Variants in F8 observed in about 807,000 individuals in gnomAD.
F8 encodes coagulation factor VIII.
In F8, 12 loss-of-function variants were observed where a neutral mutation model predicts 140.6. The ratio of observed to expected loss-of-function variants is 0.09; its 90% CI spans 0.05 to 0.14. The LOEUF is 0.14. Ranked by LOEUF, F8 falls within the 10% of genes least tolerant of loss-of-function variation. The pLI is 1.00. For synonymous variants in F8, 585 were observed against 614.6 expected (o/e 0.95, Z 0.71); for missense variants, 1,354 against 1,720.7 (o/e 0.79, Z 3.77).
chrX:154,923,516 G>A (rs1436556844), intron 14 of F8, among the ~76,000 whole-genome samples: 1 of 111,894 alleles, frequency 8.9e-6, no homozygotes, highest in Non-Finnish European at 1.9e-5. Context: ...TAGTGAATAA[G>A]TCTCATGAGA....
chrX:154,899,189 C>T (rs1290757728), intron 21 of F8, among the ~76,000 whole-genome samples: 1 of 112,149 alleles, frequency 8.9e-6, no homozygotes, highest in Non-Finnish European at 1.9e-5. Flanking sequence ...AATGCTGTGG[C>T]ATTAATAGAC....
intron 1 of F8, among the ~76,000 whole-genome samples, chrX:155,000,597 A>G (rs782361497): frequency 2.5e-4 from 28 of 112,383 alleles, no homozygotes; most frequent in African/African-American, 8.4e-4. Flanking sequence ...CTGCCCTGGA[A>G]AAAAGCTTTC....
At position 154,904,539 on chromosome X, in the gene F8, C is replaced by T. The variant is rs782021309; in HGVS notation, c.5587-15G>A. ...ACATCTTTTTCCTAGGGAGGGAAGA[C>T]ATCAATCCTATGAGTATAAGCTCTC... is the stretch of plus-strand genomic sequence containing the variant. On this transcript the variant is annotated splice_polypyrimidine_tract_variant and intron_variant, in intron 16 of 25. Coordinates refer to ENST00000360256, the MANE Select transcript of F8 (RefSeq NM_000132.4). 6 of 1,162,196 alleles carry T rather than the reference C, an allele frequency of 5.2e-6. No individual in the cohort carries two copies. The highest frequency in any genetic ancestry group is 1.8e-5 in the African/African-American group (1 of 56,104).
chrX:154,982,264 A>G (rs781829497), intron 6 of F8, among the ~76,000 whole-genome samples: 25 of 106,233 alleles, frequency 2.4e-4, no homozygotes, highest in East Asian at 1.2e-3. Flanking sequence ...TGGCTAACAC[A>G]ATGAAACCCC....
chrX:154,881,594 G>A (rs2072861253), intron 22 of F8, among the ~76,000 whole-genome samples: 1 of 110,494 alleles, frequency 9.1e-6, no homozygotes, highest in Non-Finnish European at 1.9e-5. Flanking sequence ...CGGAGCGGGG[G>A]CGGGGGAGGG....
chrX:154,945,044 A>G (rs1557280186), intron 13 of F8, among the ~76,000 whole-genome samples: 7 of 110,562 alleles, frequency 6.3e-5, no homozygotes, highest in Non-Finnish European at 1.9e-5. Flanking sequence ...GGAGAGGGAT[A>G]GCATTAGGCG....
At chrX:154,904,612 A>G in intron 16 of F8, 88 bp from the exon 17 acceptor site, 1 of 875,991 alleles carries the variant, frequency 1.1e-6, no homozygotes, top group Non-Finnish European at 1.7e-6. Flanking sequence ...ATGCCAGTCC[A>G]ACCTGCCTCC....
At chrX:154,867,690 C>CAAAAAAAAAA (rs373471645) in intron 22 of F8, among the ~76,000 whole-genome samples, 32 of 41,634 alleles carry the variant, frequency 7.7e-4, no homozygotes, top group Non-Finnish European at 1.1e-3. Flanking sequence ...GACTCTGTCT[C>CAAAAAAAAAA]AAAAAAAAAA....
At position 154,904,085 on chromosome X, in the gene F8, A is replaced by G. The variant is rs1557276134; in HGVS notation, c.5819T>C (p.Ile1940Thr). 2 of 1,210,986 alleles carry G rather than the reference A, an allele frequency of 1.7e-6. No homozygotes were observed. The highest frequency in any genetic ancestry group is 5.9e-5 in the East Asian group (2 of 33,839). The change falls in exon 18 of 26, where the codon ATC (isoleucine) becomes ACC (threonine). Residue 1940 changes from isoleucine (I) to threonine (T), a missense_variant. Physicochemically the swap from Ile to Thr is moderately conservative, Grantham distance 89. Transcript: ENST00000360256. ...TFKENYRFHA[I>T]NGYIMDTLPG... ...TAGTGTATCCATTATGTAGCCATTGATTGCTGGAGAAGGACACAGAGAAGC... is the reference window on the plus strand; with the variant it reads ...TAGTGTATCCATTATGTAGCCATTGGTTGCTGGAGAAGGACACAGAGAAGC...
chrX:154,854,473 G>A (rs917558883), intron 25 of F8, among the ~76,000 whole-genome samples: 17 of 111,680 alleles, frequency 1.5e-4, no homozygotes, highest in African/African-American at 5.2e-4. Context: ...TTCTGGGTCT[G>A]TAGCCTGCTG....
intron 13 of F8, among the ~76,000 whole-genome samples, chrX:154,946,057 A>C (rs1401929480): frequency 8.9e-6 from 1 of 111,871 alleles, no homozygotes; most frequent in Non-Finnish European, 1.9e-5. Flanking sequence ...TATAATGAAA[A>C]CTAAAATACT....
intron 3 of F8, 83 bp from the exon 4 acceptor site, chrX:154,993,231 G>T: frequency 1.2e-6 from 1 of 809,816 alleles, no homozygotes; most frequent in Non-Finnish European, 1.8e-6. Context: ...TCACCAATAG[G>T]TTCTACATAA....
intron 4 of F8, among the ~76,000 whole-genome samples, chrX:154,987,842 C>T (rs2073567721): frequency 8.9e-6 from 1 of 111,968 alleles, no homozygotes; most frequent in African/African-American, 3.2e-5. Flanking sequence ...CATGCTTTAA[C>T]TGTTGAGCTT....
chrX:154,994,928 C>T (rs5945270), intron 3 of F8, among the ~76,000 whole-genome samples: 3,306 of 112,041 alleles, frequency 0.03, 66 homozygotes, highest in Non-Finnish European at 0.043. Flanking sequence ...ATGAGTATTA[C>T]AATATGTATC....
Position 154,904,491 on chromosome X carries a change from G to A in F8, c.5620C>T (p.Leu1874Phe). 8.3e-7 allele frequency: 1 copy of A among 1,211,022 alleles called. No individual in the cohort carries two copies. The highest frequency in any genetic ancestry group is 1.1e-6 in the Non-Finnish European group (1 of 894,999). The change falls in exon 17 of 26, where the codon CTT becomes TTT. Residue 1874 changes from leucine (L) to phenylalanine (F), a missense_variant. Around this residue, in one of 4 missense-constraint regions of F8, gnomAD observed 316 missense variants for 485.4 expected, o/e 0.65. Coordinates refer to ENST00000360256, the MANE Select transcript of F8 (RefSeq NM_000132.4). ...KDVHSGLIGP[L>F]LVCHTNTLNP... ...AGTGTGTTAGTGTGGCAGACCAGAA[G>A]GGGTCCAATCAGGCCTGAGTGCACA...
At chrX:154,965,810 A>G in intron 9 of F8, 160 bp downstream of exon 9, 3 of 514,189 alleles carry the variant, frequency 5.8e-6, no homozygotes, top group Non-Finnish European at 9.5e-6. Flanking sequence ...TATATACTCA[A>G]ACTTTAAATA....
Position 154,957,122 on chromosome X carries a change from T to C in F8, c.1587A>G (p.Lys529=), listed in dbSNP as rs1369480074. The stretch of plus-strand genomic sequence containing the variant: ...CTTCTACAGTCACTGTCCATTTATA[T>C]TTGAATATTTCTCCTGGCAGAATTG... ...DFPILPGEIF[K]YKWTVTVEDG... The change falls in exon 11 of 26, where the codon AAA becomes AAG. Residue 529 remains lysine (K), a synonymous_variant. Transcript: ENST00000360256. 4.1e-6 allele frequency: 5 copies of C among 1,209,638 alleles called. No homozygotes were observed. The highest frequency in any genetic ancestry group is 5.6e-6 in the Non-Finnish European group (5 of 895,131).
intron 7 of F8, 122 bp from the exon 8 acceptor site, chrX:154,966,809 G>A: frequency 2.3e-6 from 2 of 877,833 alleles, no homozygotes; most frequent in Non-Finnish European, 3.2e-6. Flanking sequence ...CAGGCTATAT[G>A]GGAAGCATGG....
intron 25 of F8, among the ~76,000 whole-genome samples, chrX:154,857,876 C>T (rs975256597): frequency 2.7e-5 from 3 of 112,492 alleles, no homozygotes; most frequent in Admixed American, 1.9e-4. Context: ...CAGTGGCTCA[C>T]GCCTGTAATC....
Sources: gnomAD v4.1 joint callset for allele counts (sites outside exome capture counted in the v4.1 genomes callset) on GRCh38, gnomAD v4.1.1 for gene constraint, gnomAD v4.1.1 regional missense constraint, MANE v1.5 for transcripts, NCBI Gene and HGNC (gene_info 2026-07-23, HGNC 2026-07-21) for gene names.